Variants in CCDC157 observed in about 807,000 individuals in gnomAD.
The protein encoded by CCDC157 is coiled-coil domain containing 157, also known as coiled-coil domain-containing protein 157.
CCDC157 carries 60 observed loss-of-function variants against 70.9 expected under a neutral mutation model. The observed-to-expected ratio is 0.85, with a 90% CI of 0.69 to 1.05. The LOEUF (loss-of-function observed/expected upper bound fraction) is 1.05, where lower values mean the gene tolerates loss of function less well. Among genes scored for constraint, CCDC157 ranks in the 50% least tolerant of loss-of-function variants. The probability of loss-of-function intolerance (pLI) is 0.00; values close to 1 mark genes in which losing one functional copy is unlikely to be tolerated. For synonymous variants in CCDC157, 373 were observed against 422.4 expected (o/e 0.88, Z 1.43); for missense variants, 943 against 984.2 (o/e 0.96, Z 0.56).
chr22:30,376,926 C>A lies in CCDC157; in HGVS notation c.*181C>A. On this transcript the variant is annotated 3_prime_UTR_variant, in exon 12 of 12. Coordinates refer to ENST00000338306, the MANE Select transcript of CCDC157 (RefSeq NM_001017437.5). ...TCCCCAGCCATGTAGTTCAGTCAGTCAGCAGAGTCCTGGCACTATGGGCCC... is the reference window on the plus strand; with the variant it reads ...TCCCCAGCCATGTAGTTCAGTCAGTAAGCAGAGTCCTGGCACTATGGGCCC... 1 of 632,286 alleles carries A rather than the reference C, an allele frequency of 1.6e-6. No individual in the cohort carries two copies. The highest frequency in any genetic ancestry group is 2.7e-6 in the Non-Finnish European group (1 of 366,118). The allele number at this position is 632,286 out of a possible 1,614,324, so 39.2% of individuals were successfully genotyped here. A position where few individuals can be genotyped will look rare whatever the true frequency, so the allele number is the denominator to read the frequency against.
At position 30,378,089 on chromosome 22, in the gene CCDC157, CCT is replaced by C; in HGVS notation, c.*1348_*1349del. 2.1e-6 allele frequency: 1 copy of C among 470,982 alleles called. No homozygotes were observed. The allele number at this position is 470,982 out of a possible 1,614,324, so 29.2% of individuals were successfully genotyped here. ...CTCGCTGGCTGGCTGTAAGCCAGGT[CCT>C]CTCACGGCTCCTAGAGGCCGTCCAC... On this transcript the variant is annotated 3_prime_UTR_variant, in exon 12 of 12. Coordinates refer to ENST00000338306, the MANE Select transcript of CCDC157 (RefSeq NM_001017437.5).
intron 1 of CCDC157, among the ~76,000 whole-genome samples, chr22:30,361,514 G>A (rs1035096225): frequency 1.3e-5 from 2 of 152,070 alleles, no homozygotes; most frequent in African/African-American, 4.8e-5. Context: ...GCAGTTTTTT[G>A]CATTTCTAAG....
chr22:30,376,411 C>T, intron 11 of CCDC157, 22 bp from the exon 12 acceptor site: 1 of 1,613,876 alleles, frequency 6.2e-7, no homozygotes, highest in Non-Finnish European at 8.5e-7. Context: ...CACAGGGGAT[C>T]TTGGATCTGG....
chr22:30,373,837 CTT>C (rs1196040119), intron 8 of CCDC157, 73 bp downstream of exon 8: 28 of 1,535,044 alleles, frequency 1.8e-5, no homozygotes, highest in East Asian at 2.4e-5. Flanking sequence ...TGTCCCATGT[CTT>C]TTCTTGGGTA....
intron 2 of CCDC157, among the ~76,000 whole-genome samples, chr22:30,364,632 A>C (rs1385354529): frequency 6.6e-6 from 1 of 152,062 alleles, no homozygotes; most frequent in Non-Finnish European, 1.5e-5. Context: ...GAGAAACTCT[A>C]TCTCTACTAA....
chr22:30,375,960 G>A, intron 10 of CCDC157: 2 of 537,850 alleles, frequency 3.7e-6, no homozygotes, highest in Non-Finnish European at 6.5e-6. Context: ...GGCTGAGGCG[G>A]GCAGATCACT....
intron 3 of CCDC157, 77 bp downstream of exon 3, chr22:30,366,325 C>G (rs1270830770): frequency 1.3e-6 from 2 of 1,574,974 alleles, no homozygotes; most frequent in Non-Finnish European, 1.7e-6. Context: ...TACGGAAGCC[C>G]CTCCAGAGGC....
chr22:30,364,084 C>T (rs1932551964), intron 2 of CCDC157, among the ~76,000 whole-genome samples: 1 of 152,100 alleles, frequency 6.6e-6, no homozygotes, highest in South Asian at 2.1e-4. Flanking sequence ...CTGCTTGAAC[C>T]CAGAAGTTTG....
chr22:30,363,536 C>T (rs1336182165), intron 2 of CCDC157, among the ~76,000 whole-genome samples: 4 of 152,016 alleles, frequency 2.6e-5, no homozygotes, highest in Non-Finnish European at 5.9e-5. Context: ...CAGTGACTTG[C>T]CTGAGGCCAG....
chr22:30,366,419 T>C (rs1932743089), intron 3 of CCDC157, 171 bp downstream of exon 3: 1 of 745,588 alleles, frequency 1.3e-6, no homozygotes, highest in Non-Finnish European at 2.3e-6. Flanking sequence ...TCTTACCTTT[T>C]ATCATGTGTC....
In CCDC157 at chr22:30,378,108, GC is replaced by G; in HGVS notation, c.*1365del. 1 of 471,070 alleles carries G rather than the reference GC, an allele frequency of 2.1e-6. No homozygotes were observed. Among genetic ancestry groups the G allele is most frequent in the Non-Finnish European group, 4.4e-6 (1 of 227,038 alleles). The allele number at this position is 471,070 out of a possible 1,614,324, so 29.2% of individuals were successfully genotyped here. On this transcript the variant is annotated 3_prime_UTR_variant, in exon 12 of 12. Transcript: ENST00000338306. ...CCAGGTCCTCTCACGGCTCCTAGAGGCCGTCCACCTTCCTTGCCATGGGGCT... is the reference window on the plus strand; with the variant it reads ...CCAGGTCCTCTCACGGCTCCTAGAGGCGTCCACCTTCCTTGCCATGGGGCT...
Position 30,366,201 on chromosome 22 carries a change from G to A in CCDC157, c.201G>A (p.Glu67=). 6.2e-7 allele frequency: 1 copy of A among 1,613,804 alleles called. No individual in the cohort carries two copies. The highest frequency in any genetic ancestry group is 1.3e-5 in the African/African-American group (1 of 75,068). Residue 67 remains glutamate (E), a synonymous_variant, in exon 3 of 12, where the codon GAG becomes GAA. Transcript: ENST00000338306. The part of the protein sequence containing the change: ...EHYDHVPGDP[E]FTQLSHAVLL... The stretch of plus-strand genomic sequence containing the variant: ...ATGACCATGTTCCGGGTGACCCCGA[G>A]TTCACGCAGCTGTCCCATGCCGTGC...
chr22:30,369,532 G>A lies in CCDC157; in HGVS notation c.349G>A (p.Gly117Arg). 1 of 1,606,890 alleles carries A rather than the reference G, an allele frequency of 6.2e-7. No homozygotes were observed. The highest frequency in any genetic ancestry group is 8.5e-7 in the Non-Finnish European group (1 of 1,176,460). Reference sequence around the variant, plus strand: ...GGCTGCGGGGCCCTGCATGTCCGTGGGGCTCACGGTGCGGCGCTTCTGGGA... The same window carrying A: ...GGCTGCGGGGCCCTGCATGTCCGTGAGGCTCACGGTGCGGCGCTTCTGGGA... The part of the protein sequence containing the change: ...AQAAGPCMSV[G>R]LTVRRFWDSL... The change falls in exon 4 of 12, where the codon GGG (glycine) becomes AGG (arginine). Residue 117 changes from glycine (G) to arginine (R), a missense_variant. Transcript: ENST00000338306.
intron 1 of CCDC157, among the ~76,000 whole-genome samples, chr22:30,360,219 A>C (rs1183654952): frequency 6.6e-6 from 1 of 152,238 alleles, no homozygotes; most frequent in Non-Finnish European, 1.5e-5. Flanking sequence ...ATAAAAGTTT[A>C]CCTGCCGGGC....
chr22:30,362,656 T>C (rs1449628924), intron 2 of CCDC157, among the ~76,000 whole-genome samples: 7 of 152,142 alleles, frequency 4.6e-5, no homozygotes, highest in Non-Finnish European at 1.5e-5. Context: ...AGAAGGGAAG[T>C]GGCTCACCCC....
Position 30,376,590 on chromosome 22 carries a change from T to C in CCDC157, c.2104T>C (p.Cys702Arg), listed in dbSNP as rs1933382567. The C allele has an allele frequency of 6.2e-7, 1 of 1,613,510 alleles. No homozygotes were observed. The highest frequency in any genetic ancestry group is 8.5e-7 in the Non-Finnish European group (1 of 1,179,900). ...QPCTSPSRQP[C>R]SQPSKSLLEG... ...CTGCACATCCCCATCTCGGCAGCCC[T>C]GCAGCCAGCCCAGCAAGTCCTTGCT... The change falls in exon 12 of 12, where the codon TGC becomes CGC. Residue 702 changes from cysteine to arginine, a missense_variant. Transcript: ENST00000338306.
intron 9 of CCDC157, 50 bp from the exon 10 acceptor site, chr22:30,375,429 T>C (rs558538226): frequency 1.3e-6 from 2 of 1,593,466 alleles, no homozygotes; most frequent in African/African-American, 2.7e-5. Flanking sequence ...CCAGGCCACC[T>C]GCCCAAGCTG....
intron 2 of CCDC157, among the ~76,000 whole-genome samples, chr22:30,362,735 G>A (rs963186067): frequency 5.3e-5 from 8 of 152,238 alleles, no homozygotes; most frequent in South Asian, 2.1e-4. Flanking sequence ...AGAAATGCTG[G>A]GTTCCCAGTG....
Position 30,370,506 on chromosome 22 carries a change from A to C in CCDC157, c.601A>C (p.Thr201Pro). The C allele has an allele frequency of 6.2e-7, 1 of 1,614,076 alleles. No homozygotes were observed. Among genetic ancestry groups the C allele is most frequent in the Non-Finnish European group, 8.5e-7 (1 of 1,180,028 alleles). The change falls in exon 5 of 12, where the codon ACG becomes CCG. Residue 201 changes from threonine (T) to proline (P), a missense_variant. Thr to Pro is a conservative substitution (Grantham distance 38). Coordinates refer to ENST00000338306, the MANE Select transcript of CCDC157 (RefSeq NM_001017437.5). Reference protein sequence around the residue: ...PVRASLQFPATTFKNTRSVHS... With the variant: ...PVRASLQFPAPTFKNTRSVHS... ...CAGAGCCTCCCTGCAGTTCCCAGCC[A>C]CGACCTTCAAGAACACCAGGAGTGT...
Sources: gnomAD v4.1 joint callset for allele counts (sites outside exome capture counted in the v4.1 genomes callset) on GRCh38, gnomAD v4.1.1 for gene constraint, MANE v1.5 for transcripts, NCBI Gene and HGNC (gene_info 2026-07-23, HGNC 2026-07-21) for gene names.